LRBA: variants seen among roughly 807,000 people sequenced by gnomAD.
LRBA encodes LPS responsive beige-like anchor protein.
In LRBA, 176 loss-of-function variants were observed where a neutral mutation model predicts 330.0. The ratio of observed to expected loss-of-function variants is 0.53; its 90% CI spans 0.47 to 0.60. The LOEUF (loss-of-function observed/expected upper bound fraction) is 0.60. Among genes scored for constraint, LRBA ranks in the 20% least tolerant of loss-of-function variants. The pLI, the probability that LRBA is intolerant of heterozygous loss-of-function variation, is 0.00. For synonymous variants in LRBA, 1,230 were observed against 1,193.0 expected (o/e 1.03, Z -0.64); for missense variants, 3,259 against 3,444.8 (o/e 0.95, Z 1.35).
intron 37 of LRBA, among the ~76,000 whole-genome samples, chr4:150,646,895 T>C (rs1779196071): frequency 6.6e-6 from 1 of 152,010 alleles, no homozygotes; most frequent in Admixed American, 6.6e-5. Context: ...ATACAAATAT[T>C]CCAAAATATG....
chr4:150,399,880 G>A (rs1170285649), intron 47 of LRBA, among the ~76,000 whole-genome samples: 1 of 152,184 alleles, frequency 6.6e-6, no homozygotes, highest in Non-Finnish European at 1.5e-5. Flanking sequence ...GGAGGCTGAG[G>A]CATGAGAATC....
intron 47 of LRBA, among the ~76,000 whole-genome samples, chr4:150,358,791 A>G (rs142538983): frequency 1.6e-4 from 24 of 152,278 alleles, no homozygotes; most frequent in African/African-American, 5.5e-4. Flanking sequence ...AAACAAAATA[A>G]AAAAAATTTA....
chr4:150,963,559 C>T (rs1738439475), intron 2 of LRBA, among the ~76,000 whole-genome samples: 1 of 149,600 alleles, frequency 6.7e-6, no homozygotes, highest in South Asian at 2.1e-4. Context: ...CAGCCGCCTG[C>T]CTTGGCCTCC....
intron 40 of LRBA, among the ~76,000 whole-genome samples, chr4:150,577,991 T>A (rs1936112727): frequency 6.6e-6 from 1 of 152,176 alleles, no homozygotes; most frequent in Non-Finnish European, 1.5e-5. Context: ...CTGCAGCCGT[T>A]CAAGCTTCAT....
At chr4:150,269,268 T>C (rs1162626462) in intron 56 of LRBA, among the ~76,000 whole-genome samples, 1 of 152,218 alleles carries the variant, frequency 6.6e-6, no homozygotes, top group East Asian at 1.9e-4. Context: ...GTTGTTACAA[T>C]GCGACAGTAA....
intron 40 of LRBA, among the ~76,000 whole-genome samples, chr4:150,534,300 C>T (rs1764379558): frequency 6.7e-6 from 1 of 149,096 alleles, no homozygotes; most frequent in Admixed American, 6.7e-5. Flanking sequence ...ACATATGTAA[C>T]TAACCTGCAC....
At chr4:151,005,364 G>A (rs1743895253) in intron 2 of LRBA, among the ~76,000 whole-genome samples, 2 of 147,024 alleles carry the variant, frequency 1.4e-5, no homozygotes, top group Admixed American at 1.4e-4. Context: ...CTTGAACCCG[G>A]GAGGCGGAGG....
rs142071734 is a variant in LRBA at position 150,693,282 on chromosome 4, G to A, written c.5755-9565C>T. Among the ~76,000 whole-genome samples the A allele has an allele frequency of 4.2e-3, 639 of 152,110 alleles. 4 individuals are homozygous for A. The highest frequency in any genetic ancestry group is 0.015 in the African/African-American group (613 of 41,536). ...ATATAAGGGTCAAAAATTGGGCAAG[G>A]GCCGGGCGCGGTGGCTCACGCCTGT... On this transcript the variant is annotated intron_variant, in intron 36 of 56. Transcript: ENST00000651943.
At chr4:151,014,128 A>C (rs760660145) in intron 2 of LRBA, 2 of 244,948 alleles carry the variant, frequency 8.2e-6, no homozygotes, top group African/African-American at 2.2e-5. Context: ...CCAAGAAAAA[A>C]AAAATTAGAG....
chr4:150,268,936 G>C lies in LRBA; in HGVS notation c.8469-3124C>G, dbSNP rs1448322496. On this transcript the variant is annotated intron_variant, in intron 56 of 56. Coordinates refer to ENST00000651943, the MANE Select transcript of LRBA (RefSeq NM_001364905.1). ...AGTATCCAAATTGGAAAGGAGGAGTGAAACTGTCTCTGTTTACAGATGACA... is the reference window on the plus strand; with the variant it reads ...AGTATCCAAATTGGAAAGGAGGAGTCAAACTGTCTCTGTTTACAGATGACA... Among the ~76,000 whole-genome samples the C allele has an allele frequency of 2.0e-5, 3 of 152,162 alleles. No individual in the cohort carries two copies. In the East Asian group the frequency reaches 5.8e-4, roughly 29 times the overall value.
Position 150,850,647 on chromosome 4 carries a change from C to G in LRBA, c.4004+77G>C, listed in dbSNP as rs1248450198. ...TTAACCAAATGTCTGAAATTAATTA[C>G]AAACTGTTTCTATGGATTTCTTTGA... On this transcript the variant is annotated intron_variant, in intron 24 of 56. Transcript: ENST00000651943. 4 of 863,572 alleles carry G rather than the reference C, an allele frequency of 4.6e-6. No homozygotes were observed. In the African/African-American group the frequency reaches 6.9e-5, roughly 15 times the overall value. The allele number at this position is 863,572 out of a possible 1,614,324, so 53.5% of individuals were successfully genotyped here.
intron 44 of LRBA, among the ~76,000 whole-genome samples, chr4:150,461,604 C>T (rs989457677): frequency 4.0e-5 from 6 of 151,692 alleles, no homozygotes; most frequent in Admixed American, 2.0e-4. Context: ...AATTACCACA[C>T]ACAAAACACT....
In LRBA at chr4:150,828,519, G is replaced by A. The variant is rs1349045597; in HGVS notation, c.4832C>T (p.Thr1611Ile). Reference protein sequence around the residue: ...RRRDSGIGEETATGLGSHVEV... With the variant: ...RRRDSGIGEEIATGLGSHVEV... The stretch of plus-strand genomic sequence containing the variant: ...CACATGGCTTCCTAAACCAGTGGCT[G>A]TTTCTTCCCCAATGCCTGAGTCCCT... Residue 1611 changes from threonine to isoleucine, a missense_variant, in exon 30 of 57, where the codon ACA becomes ATA. Physicochemically the swap from Thr to Ile is moderately conservative, Grantham distance 89. Transcript: ENST00000651943. 6.2e-7 allele frequency: 1 copy of A among 1,614,092 alleles called. No individual in the cohort carries two copies. Among genetic ancestry groups the A allele is most frequent in the Admixed American group, 1.7e-5 (1 of 60,002 alleles).
intron 29 of LRBA, among the ~76,000 whole-genome samples, chr4:150,829,078 G>T (rs1746763953): frequency 6.6e-6 from 1 of 151,936 alleles, no homozygotes; most frequent in African/African-American, 2.4e-5. Context: ...GAGACTACAG[G>T]TATGTGCTAC....
chr4:150,809,859 C>CGATAT (rs1743379214), intron 31 of LRBA, among the ~76,000 whole-genome samples: 1 of 13,420 alleles, frequency 7.5e-5, no homozygotes, highest in Admixed American at 7.4e-4. Flanking sequence ...AAATACGATA[C>CGATAT]GATACGATAC....
At chr4:150,595,126 C>T (rs1773343803) in intron 38 of LRBA, among the ~76,000 whole-genome samples, 1 of 151,954 alleles carries the variant, frequency 6.6e-6, no homozygotes. Context: ...GCATTCTGAA[C>T]AGGACACATA....
At chr4:150,645,074 T>C (rs1297394390) in intron 37 of LRBA, among the ~76,000 whole-genome samples, 2 of 151,362 alleles carry the variant, frequency 1.3e-5, no homozygotes, top group East Asian at 1.9e-4. Flanking sequence ...AAGTGGAATA[T>C]ACTAACTTGC....
intron 2 of LRBA, among the ~76,000 whole-genome samples, chr4:150,974,736 G>A (rs1361523126): frequency 6.6e-6 from 1 of 152,138 alleles, no homozygotes; most frequent in Non-Finnish European, 1.5e-5. Flanking sequence ...ATGGAGAGAA[G>A]AAAAGTTCTC....
intron 47 of LRBA, among the ~76,000 whole-genome samples, chr4:150,397,269 A>G (rs1418902430): frequency 1.3e-5 from 2 of 152,144 alleles, no homozygotes; most frequent in African/African-American, 4.8e-5. Context: ...TGTACGATAC[A>G]AAAAGGTATT....
Sources: gnomAD v4.1 joint callset for allele counts (sites outside exome capture counted in the v4.1 genomes callset) on GRCh38, gnomAD v4.1.1 for gene constraint, MANE v1.5 for transcripts, NCBI Gene and HGNC (gene_info 2026-07-23, HGNC 2026-07-21) for gene names.